Variants in LRP2 observed in about 807,000 individuals in gnomAD.
The protein encoded by LRP2 is LDL receptor related protein 2.
A neutral mutation model predicts 531.0 loss-of-function variants in LRP2; 172 were observed. That is an observed-to-expected ratio of 0.32 (90% CI 0.29 to 0.37). The LOEUF (loss-of-function observed/expected upper bound fraction) is 0.37. Ranked by LOEUF, LRP2 falls within the 10% of genes least tolerant of loss-of-function variation. The pLI, the probability that LRP2 is intolerant of heterozygous loss-of-function variation, is 1.00. For synonymous variants in LRP2, 1,992 were observed against 2,027.6 expected, an observed-to-expected ratio of 0.98 and a Z score of 0.47; for missense variants, 5,167 against 5,868.3, an observed-to-expected ratio of 0.88 and a Z score of 3.90.
Position 169,289,015 on chromosome 2 carries a change from C to A in LRP2, c.1042+11G>T, listed in dbSNP as rs1683931143. On this transcript the variant is annotated intron_variant, in intron 9 of 78. Transcript: ENST00000649046. Reference sequence around the variant, plus strand: ...ATGAAAGACAAGTAGCCGCCGCCCCCCATCACTTACCAACACAGGTACGGC... The same window carrying A: ...ATGAAAGACAAGTAGCCGCCGCCCCACATCACTTACCAACACAGGTACGGC... The A allele has an allele frequency of 6.2e-7, 1 of 1,613,762 alleles. No individual in the cohort carries two copies. Among genetic ancestry groups the A allele is most frequent in the African/African-American group, 1.3e-5 (1 of 74,906 alleles).
In LRP2 at chr2:169,205,615, C is replaced by G. The variant is rs1688349892; in HGVS notation, c.7579G>C (p.Asp2527His). The G allele has an allele frequency of 6.2e-7, 1 of 1,613,818 alleles. No individual in the cohort carries two copies. Among genetic ancestry groups the G allele is most frequent in the Non-Finnish European group, 8.5e-7 (1 of 1,179,934 alleles). ...GCTCTCTCGATTTTGGCATGTGTAT[C>G]CCAGTCAGCCCAGTACAGGTACCTA... ...CQGYLYWADW[D>H]THAKIERATL... Residue 2527 changes from aspartate (D) to histidine (H), a missense_variant, in exon 41 of 79, where the codon GAT becomes CAT. Physicochemically the swap from Asp to His is moderately conservative, Grantham distance 81 (BLOSUM62 -1). This residue lies in a region of LRP2 where 1,129 missense variants were observed against 1,362.7 expected (regional missense o/e 0.83). Transcript: ENST00000649046.
At chr2:169,232,645 A>C (rs1307734270) in intron 30 of LRP2, among the ~76,000 whole-genome samples, 4 of 152,146 alleles carry the variant, frequency 2.6e-5, no homozygotes, top group Admixed American at 2.6e-4. Flanking sequence ...CTCTCTGAGA[A>C]AGTGACATTT....
intron 69 of LRP2, among the ~76,000 whole-genome samples, chr2:169,146,285 G>GTGA (rs1685908218): frequency 1.3e-5 from 2 of 152,162 alleles, no homozygotes; most frequent in African/African-American, 4.8e-5. Context: ...TAGGAAAAAT[G>GTGA]TGATATGTGC....
At chr2:169,272,855 T>C in intron 15 of LRP2, 72 bp downstream of exon 15, 1 of 1,589,144 alleles carries the variant, frequency 6.3e-7, no homozygotes. Flanking sequence ...GAGTAGCAGT[T>C]AGTCTAGTTA....
At chr2:169,246,412 G>T (rs528809107) in intron 21 of LRP2, among the ~76,000 whole-genome samples, 15 of 151,876 alleles carry the variant, frequency 9.9e-5, no homozygotes, top group Non-Finnish European at 1.8e-4. Flanking sequence ...AGTTTATTTC[G>T]ATTTGACTTT....
At chr2:169,165,419 T>C (rs1246894258) in intron 62 of LRP2, among the ~76,000 whole-genome samples, 3 of 152,220 alleles carry the variant, frequency 2.0e-5, no homozygotes, top group Non-Finnish European at 2.9e-5. Flanking sequence ...AACTAATCTA[T>C]CACTTTTCTC....
chr2:169,202,853 G>A lies in LRP2; in HGVS notation c.8112C>T (p.Ser2704=). Residue 2704 remains serine (S), a synonymous_variant, in exon 43 of 79, where the codon TCC becomes TCT. Transcript: ENST00000649046. ...TGCAGCGCCCATTGGAGCAGGTGAA[G>A]GAAGATGCACCACATCGTTCACCAT... is the stretch of plus-strand genomic sequence containing the variant. The part of the protein sequence containing the change: ...VDNGERCGAS[S]FTCSNGRCIS... The A allele has an allele frequency of 6.2e-7, 1 of 1,614,174 alleles. No individual in the cohort carries two copies. The highest frequency in any genetic ancestry group is 1.7e-5 in the Admixed American group (1 of 60,026).
In LRP2 at chr2:169,216,442, A is replaced by T; in HGVS notation, c.5649-12T>A. The T allele has an allele frequency of 6.2e-7, 1 of 1,613,140 alleles. No individual in the cohort carries two copies. The highest frequency in any genetic ancestry group is 1.1e-5 in the South Asian group (1 of 91,048). On this transcript the variant is annotated splice_polypyrimidine_tract_variant and intron_variant, in intron 34 of 78. Coordinates refer to ENST00000649046, the MANE Select transcript of LRP2 (RefSeq NM_004525.3). ...ACCAGTACAGCTTCCTACAACCATG[A>T]AAAACACCAGCATGTAACAAAACAG...
chr2:169,205,889 A>G (rs1688367108), intron 40 of LRP2, 134 bp downstream of exon 40: 11 of 1,238,462 alleles, frequency 8.9e-6, no homozygotes, highest in Middle Eastern at 2.4e-4. Flanking sequence ...ATCACTCAAT[A>G]TGCTTTCATT....
intron 39 of LRP2, 40 bp downstream of exon 39, chr2:169,206,290 T>C: frequency 1.2e-6 from 2 of 1,611,206 alleles, no homozygotes; most frequent in Non-Finnish European, 1.7e-6. Flanking sequence ...GACCCCATTG[T>C]GTCTACTTGC....
chr2:169,311,643 G>T (rs184280621), intron 3 of LRP2, among the ~76,000 whole-genome samples: 2 of 152,232 alleles, frequency 1.3e-5, no homozygotes, highest in African/African-American at 2.4e-5. Flanking sequence ...ATTGAAATAA[G>T]TGCAATGTGG....
At chr2:169,354,102 G>T (rs989912015) in intron 1 of LRP2, among the ~76,000 whole-genome samples, 1 of 152,190 alleles carries the variant, frequency 6.6e-6, no homozygotes, top group African/African-American at 2.4e-5. Context: ...TGGGCCCAAA[G>T]TGACAAGCAA....
chr2:169,236,953 A>T, intron 28 of LRP2, 150 bp downstream of exon 28: 3 of 680,910 alleles, frequency 4.4e-6, no homozygotes, highest in Non-Finnish European at 8.0e-6. Flanking sequence ...GAGAGATAGC[A>T]ACACCCAGTT....
rs143010438 is a variant in LRP2, at chr2:169,270,660, C to T, written c.2320+244G>A. ...TAGGAGATATACCTAACATAAATGA[C>T]GAGTTAACGGGTGCAGCACACCAAC... is the stretch of plus-strand genomic sequence containing the variant. On this transcript the variant is annotated intron_variant, in intron 16 of 78. Coordinates refer to ENST00000649046, the MANE Select transcript of LRP2 (RefSeq NM_004525.3). Among the ~76,000 whole-genome samples the T allele has an allele frequency of 0.052, 7,852 of 151,014 alleles. 408 individuals carry two copies. Among genetic ancestry groups the T allele is most frequent in the Admixed American group, 0.17 (2,523 of 15,108 alleles).
At chr2:169,271,429 G>C (rs770741910) in intron 15 of LRP2, among the ~76,000 whole-genome samples, 2 of 151,562 alleles carry the variant, frequency 1.3e-5, no homozygotes, top group South Asian at 2.1e-4. Context: ...CGAGTTAACG[G>C]GTGCAGCACA....
chr2:169,131,061 CT>C (rs1456944474), intron 77 of LRP2, among the ~76,000 whole-genome samples: 1 of 152,124 alleles, frequency 6.6e-6, no homozygotes, highest in African/African-American at 2.4e-5. Flanking sequence ...TAAAATAAAT[CT>C]GGCACTAGCT....
intron 25 of LRP2, among the ~76,000 whole-genome samples, chr2:169,240,236 A>T (rs190138415): frequency 1.7e-3 from 266 of 152,358 alleles, no homozygotes; most frequent in Non-Finnish European, 3.2e-3. Flanking sequence ...GGGAAAGGTC[A>T]TTGAAATATT....
At chr2:169,139,736 T>C in intron 72 of LRP2, 126 bp from the exon 73 acceptor site, 1 of 835,214 alleles carries the variant, frequency 1.2e-6, no homozygotes, top group Non-Finnish European at 2.1e-6. Flanking sequence ...AGACAATGTA[T>C]CCTGCATGAC....
intron 46 of LRP2, among the ~76,000 whole-genome samples, chr2:169,196,392 C>A (rs1463688687): frequency 6.6e-6 from 1 of 152,166 alleles, no homozygotes; most frequent in Non-Finnish European, 1.5e-5. Context: ...CAAATAGCAG[C>A]CTCCAAATGT....
Sources: allele counts gnomAD v4.1 joint callset (sites outside exome capture counted in the v4.1 genomes callset), GRCh38; gene constraint gnomAD v4.1.1; regional missense constraint gnomAD v4.1.1; transcripts MANE v1.5; gene names NCBI Gene and HGNC (gene_info 2026-07-23, HGNC 2026-07-21).